TMEM198: variants seen among roughly 807,000 people sequenced by gnomAD.
TMEM198 encodes transmembrane protein 198.
Under a neutral mutation model 31.5 loss-of-function variants are expected in TMEM198, and 21 were observed. The observed-to-expected ratio is 0.67, with a 90% CI of 0.47 to 0.96. TMEM198 has a LOEUF of 0.96. Among genes scored for constraint, TMEM198 ranks in the 40% least tolerant of loss-of-function variants. The pLI is 0.00. For synonymous variants in TMEM198, 211 were observed against 223.3 expected (o/e 0.95, Z 0.49); for missense variants, 447 against 499.4 (o/e 0.89, Z 1.00).
Position 219,544,803 on chromosome 2 carries a change from T to C in TMEM198, c.76T>C (p.Cys26Arg). 1 of 1,614,174 alleles carries C rather than the reference T, an allele frequency of 6.2e-7. No homozygotes were observed. Among genetic ancestry groups the C allele is most frequent in the Non-Finnish European group, 8.5e-7 (1 of 1,180,024 alleles). Residue 26 changes from cysteine to arginine, a missense_variant, in exon 2 of 5, where the codon TGT becomes CGT. Cys to Arg is a radical substitution (Grantham distance 180). Coordinates refer to ENST00000373883, the MANE Select transcript of TMEM198 (RefSeq NM_001005209.3). ...AGATGATGCCTTCTGGGGTGCACCT[T>C]GTGAACAGCCCCTGGAGCGCAGGTA... The part of the protein sequence containing the change: ...EPDDAFWGAP[C>R]EQPLERRYQA...
At chr2:219,548,577 G>C (rs1695445282) in intron 3 of TMEM198, among the ~76,000 whole-genome samples, 1 of 152,226 alleles carries the variant, frequency 6.6e-6, no homozygotes, top group African/African-American at 2.4e-5. Context: ...GCAAGGGCGA[G>C]GGCCCTGAGA....
At position 219,547,534 on chromosome 2, in the gene TMEM198, T is replaced by C. The variant is rs8179770; in HGVS notation, c.195T>C (p.Phe65=). The change falls in exon 3 of 5, where the codon TTT becomes TTC. Residue 65 remains phenylalanine, a synonymous_variant. Transcript: ENST00000373883. ...FGYRCFKAVL[F]LTGLLFGSVV... The stretch of plus-strand genomic sequence containing the variant: ...ACCGCTGCTTCAAGGCAGTGCTCTT[T>C]CTCACTGGGTTGCTGTTTGGCTCGG... 1,441,142 of 1,448,254 alleles carry C rather than the reference T, an allele frequency of 1. 717,293 individuals are homozygous for C. The highest frequency in any genetic ancestry group is 1 in the East Asian group (40,378 of 40,378). The allele number at this position is 1,448,254 out of a possible 1,614,324, so 89.7% of individuals were successfully genotyped here.
chr2:219,543,805 A>G (rs1324352210), upstream of TMEM198: 4 of 443,186 alleles, frequency 9.0e-6, no homozygotes, highest in African/African-American at 8.4e-5. Flanking sequence ...CCGACGTGTC[A>G]CTGCAAGGGC....
rs1310164939 is a variant in TMEM198 at position 219,547,800 on chromosome 2, TG to T, written c.467del (p.Gly156AlafsTer23). 1.3e-6 allele frequency: 2 copies of T among 1,592,196 alleles called. No individual in the cohort carries two copies. The highest frequency in any genetic ancestry group is 1.7e-6 in the Non-Finnish European group (2 of 1,175,730). On this transcript the variant is annotated frameshift_variant, in exon 3 of 5. Transcript: ENST00000373883. LOFTEE classifies it high-confidence loss of function. ...GSVWGPLGLL[L>X]GGGLLCALLT... ...GTGTGGGGTCCACTGGGGCTGTTGC[TG>T]GGGGGCGGCCTGCTCTGTGCCCTGC...
At position 219,549,712 on chromosome 2, in the gene TMEM198, C is replaced by G. The variant is rs753533096; in HGVS notation, c.946-5C>G. 1.9e-6 allele frequency: 3 copies of G among 1,613,474 alleles called. No homozygotes were observed. Among genetic ancestry groups the G allele is most frequent in the South Asian group, 1.1e-5 (1 of 91,074 alleles). ...GGACTCACACCTATGTTTGCTCCCC[C>G]ACAGAGCTATATCCAGAGCTTCCGA... On this transcript the variant is annotated splice_region_variant and splice_polypyrimidine_tract_variant and intron_variant, in intron 4 of 4. Coordinates refer to ENST00000373883, the MANE Select transcript of TMEM198 (RefSeq NM_001005209.3).
Position 219,544,890 on chromosome 2 carries a change from T to A in TMEM198, c.163T>A (p.Phe55Ile). ...CCLFGVVYCF[F>I]GYRCFKAVLF... ...TTTGTTTGGAGTCGTCTACTGCTTCTTCGGTGAGATCCCCATCTCATCCCT... is the reference window on the plus strand; with the variant it reads ...TTTGTTTGGAGTCGTCTACTGCTTCATCGGTGAGATCCCCATCTCATCCCT... The change falls in exon 2 of 5, where the codon TTC becomes ATC. Residue 55 changes from phenylalanine (F) to isoleucine (I), a missense_variant. Coordinates refer to ENST00000373883, the MANE Select transcript of TMEM198 (RefSeq NM_001005209.3). 6.2e-7 allele frequency: 1 copy of A among 1,613,724 alleles called. No homozygotes were observed. Among genetic ancestry groups the A allele is most frequent in the Non-Finnish European group, 8.5e-7 (1 of 1,179,604 alleles).
Position 219,549,910 on chromosome 2 carries a change from T to C in TMEM198, c.*56T>C. 2 of 1,583,598 alleles carry C rather than the reference T, an allele frequency of 1.3e-6. No individual in the cohort carries two copies. The highest frequency in any genetic ancestry group is 1.7e-6 in the Non-Finnish European group (2 of 1,158,968). ...CCAGCTCTGCCAGCTCGAGGAGGCCTGCTAGGCTGCCACTCAGCCTCCTGG... is the reference window on the plus strand; with the variant it reads ...CCAGCTCTGCCAGCTCGAGGAGGCCCGCTAGGCTGCCACTCAGCCTCCTGG... On this transcript the variant is annotated 3_prime_UTR_variant, in exon 5 of 5. Coordinates refer to ENST00000373883, the MANE Select transcript of TMEM198 (RefSeq NM_001005209.3).
chr2:219,545,055 A>C (rs949345100), intron 2 of TMEM198, among the ~76,000 whole-genome samples, 162 bp downstream of exon 2: 1 of 152,230 alleles, frequency 6.6e-6, no homozygotes, highest in Non-Finnish European at 1.5e-5. Flanking sequence ...GATTATAGGA[A>C]AAACAGGTTT....
In TMEM198 at chr2:219,550,446, T is replaced by G; in HGVS notation, c.*592T>G. 4.5e-6 allele frequency: 1 copy of G among 223,036 alleles called. No individual in the cohort carries two copies. The highest frequency in any genetic ancestry group is 8.9e-6 in the Non-Finnish European group (1 of 111,882). 13.8% of individuals were successfully genotyped at this position (223,036 alleles called of 1,614,324 possible). A position where few individuals can be genotyped will look rare whatever the true frequency, so the allele number is the denominator to read the frequency against. ...TGGGGGGGTGCTGCTCTGGGCTGGG[T>G]TGGGAAGGGAGTTGGGGAGGGGTTT... On this transcript the variant is annotated 3_prime_UTR_variant, in exon 5 of 5. Transcript: ENST00000373883.
chr2:219,543,782 C>T, upstream of TMEM198: 1 of 459,630 alleles, frequency 2.2e-6, no homozygotes, highest in Non-Finnish European at 3.8e-6. Flanking sequence ...GCCTCAGCCG[C>T]GGCCGCAGCT....
rs1574511177 is a variant in TMEM198, at chr2:219,550,372, C to T, written c.*518C>T. On this transcript the variant is annotated 3_prime_UTR_variant, in exon 5 of 5. Coordinates refer to ENST00000373883, the MANE Select transcript of TMEM198 (RefSeq NM_001005209.3). ...CTGTAGCATCCCTCACCCTGGTCCC[C>T]TGGCCTCTGTAAAGCCACCAGCCTG... The T allele has an allele frequency of 5.0e-6, 1 of 199,350 alleles. No homozygotes were observed. Among genetic ancestry groups the T allele is most frequent in the East Asian group, 1.3e-4 (1 of 7,822 alleles). 12.3% of individuals were successfully genotyped at this position (199,350 alleles called of 1,614,324 possible). A position where few individuals can be genotyped will look rare whatever the true frequency, so the allele number is the denominator to read the frequency against.
upstream of TMEM198, chr2:219,543,996 C>G: frequency 2.8e-6 from 1 of 353,442 alleles, no homozygotes; most frequent in Non-Finnish European, 5.6e-6. Flanking sequence ...AGAAGCAGCC[C>G]GCCCCTGCCT....
rs1367907890 is a variant in TMEM198 at position 219,544,263 on chromosome 2, C to T, written c.-154C>T. 6.4e-6 allele frequency: 3 copies of T among 468,626 alleles called. No homozygotes were observed. The highest frequency in any genetic ancestry group is 4.0e-5 in the African/African-American group (2 of 50,176). The allele number at this position is 468,626 out of a possible 1,614,324, so 29.0% of individuals were successfully genotyped here. Reference sequence around the variant, plus strand: ...CGGCCCAGCAGCCCCCTTCCTCGCACGACGGACTTTCCCTGGACCCCAGTC... The same window carrying T: ...CGGCCCAGCAGCCCCCTTCCTCGCATGACGGACTTTCCCTGGACCCCAGTC... On this transcript the variant is annotated 5_prime_UTR_variant, in exon 1 of 5. It adds an upstream start codon to the 5' untranslated region. Transcript: ENST00000373883.
chr2:219,547,102 G>A (rs1476144843), intron 2 of TMEM198: 1 of 166,536 alleles, frequency 6.0e-6, no homozygotes, highest in Non-Finnish European at 1.3e-5. Context: ...ATCTCTGTGA[G>A]CAATCCCTTC....
At position 219,544,203 on chromosome 2, in the gene TMEM198, G is replaced by A; in HGVS notation, c.-214G>A. The A allele has an allele frequency of 2.2e-6, 1 of 462,200 alleles. No homozygotes were observed. Among genetic ancestry groups the A allele is most frequent in the Non-Finnish European group, 4.4e-6 (1 of 227,140 alleles). 28.6% of individuals were successfully genotyped at this position (462,200 alleles called of 1,614,324 possible). A position where few individuals can be genotyped will look rare whatever the true frequency, so the allele number is the denominator to read the frequency against. ...GGAGTGCCAGCCGGTGTTGGACGTG[G>A]AGCGGCGCCGCCACCGCGCCGACAC... On this transcript the variant is annotated 5_prime_UTR_variant, in exon 1 of 5. It introduces an in-frame stop codon into an upstream open reading frame of the 5' UTR. Transcript: ENST00000373883.
At position 219,547,792 on chromosome 2, in the gene TMEM198, G is replaced by T. The variant is rs774538875; in HGVS notation, c.453G>T (p.Gly151=). The T allele has an allele frequency of 4.4e-6, 7 of 1,593,114 alleles. No individual in the cohort carries two copies. The South Asian group carries it at 4.4e-5, about 10-fold the overall frequency. ...CAGGCTCCGTGTGGGGTCCACTGGG[G>T]CTGTTGCTGGGGGGCGGCCTGCTCT... ...YQPGSVWGPL[G]LLLGGGLLCA... The change falls in exon 3 of 5, where the codon GGG becomes GGT. Residue 151 remains glycine, a synonymous_variant. Transcript: ENST00000373883.
rs749872066 is a variant in TMEM198 at position 219,548,055 on chromosome 2, C to T, written c.716C>T (p.Thr239Ile). 3.8e-6 allele frequency: 6 copies of T among 1,573,162 alleles called. No individual in the cohort carries two copies. The highest frequency in any genetic ancestry group is 5.2e-6 in the Non-Finnish European group (6 of 1,160,876). ...GGCGTTCTGGTGCAGTGGAGGGTGA[C>T]AGCTGAGGGGGACTCCCACACGGAA... Reference protein sequence around the residue: ...LMGVLVQWRVTAEGDSHTEVV... With the variant: ...LMGVLVQWRVIAEGDSHTEVV... The change falls in exon 3 of 5, where the codon ACA (threonine) becomes ATA (isoleucine). Residue 239 changes from threonine to isoleucine, a missense_variant. Coordinates refer to ENST00000373883, the MANE Select transcript of TMEM198 (RefSeq NM_001005209.3).
Position 219,547,820 on chromosome 2 carries a change from G to A in TMEM198, c.481G>A (p.Ala161Thr), listed in dbSNP as rs1450651417. 2 of 1,591,596 alleles carry A rather than the reference G, an allele frequency of 1.3e-6. No individual in the cohort carries two copies. Among genetic ancestry groups the A allele is most frequent in the African/African-American group, 1.3e-5 (1 of 74,904 alleles). ...GTTGCTGGGGGGCGGCCTGCTCTGT[G>A]CCCTGCTCACTCTGCGCTGGCCCCG... ...GLLLGGGLLCALLTLRWPRPL... is the reference protein window; with the variant it reads ...GLLLGGGLLCTLLTLRWPRPL... Residue 161 changes from alanine to threonine, a missense_variant, in exon 3 of 5, where the codon GCC (alanine) becomes ACC (threonine). Ala to Thr is a moderately conservative substitution (Grantham distance 58, BLOSUM62 0). Coordinates refer to ENST00000373883, the MANE Select transcript of TMEM198 (RefSeq NM_001005209.3).
chr2:219,548,114 G>A lies in TMEM198; in HGVS notation c.742+33G>A, dbSNP rs536306500. 7.3e-5 allele frequency: 108 copies of A among 1,479,562 alleles called. 3 individuals carry two copies. In the Admixed American group the frequency reaches 1.6e-3, roughly 22 times the overall value. 91.7% of individuals were successfully genotyped at this position (1,479,562 alleles called of 1,614,324 possible). A position where few individuals can be genotyped will look rare whatever the true frequency, so the allele number is the denominator to read the frequency against. Reference sequence around the variant, plus strand: ...GGCACAGGCCAAGGTGGACATGAGAGGAGTGGGTGGCCAGGGATGGGTTGG... The same window carrying A: ...GGCACAGGCCAAGGTGGACATGAGAAGAGTGGGTGGCCAGGGATGGGTTGG... On this transcript the variant is annotated intron_variant, in intron 3 of 4. Transcript: ENST00000373883.
Sources: gnomAD v4.1 joint callset for allele counts (sites outside exome capture counted in the v4.1 genomes callset) on GRCh38, gnomAD v4.1.1 for gene constraint, MANE v1.5 for transcripts, NCBI Gene and HGNC (gene_info 2026-07-23, HGNC 2026-07-21) for gene names.